The following CADM2 variants were observed in gnomAD, a reference collection of about 807,000 sequenced individuals.
CADM2 encodes immunoglobulin superfamily member 4D.
In CADM2, 12 loss-of-function variants were observed where a neutral mutation model predicts 49.8. The observed-to-expected ratio is 0.24, with a 90% CI of 0.15 to 0.39. CADM2 has a LOEUF of 0.39. Ranked by LOEUF, CADM2 falls within the 10% of genes least tolerant of loss-of-function variation. The pLI is 1.00. For synonymous variants in CADM2, 214 were observed against 175.4 expected (o/e 1.22, Z -1.74); for missense variants, 378 against 492.3 (o/e 0.77, Z 2.20).
intron 3 of CADM2, among the ~76,000 whole-genome samples, chr3:85,830,155 A>T (rs567405394): frequency 1.3e-5 from 2 of 151,990 alleles, no homozygotes; most frequent in East Asian, 3.9e-4. Flanking sequence ...CAAGTAATTA[A>T]TTTTCTTCAC....
chr3:85,886,351 C>T, intron 5 of CADM2, 24 bp downstream of exon 5: 4 of 1,559,528 alleles, frequency 2.6e-6, no homozygotes, highest in Non-Finnish European at 3.5e-6. Flanking sequence ...AAATGAAAAT[C>T]AAAATTAATG....
Position 85,292,783 on chromosome 3 carries a change from A to C in CADM2, c.61+333115A>C, listed in dbSNP as rs1164520732. 1.7e-4 allele frequency among the ~76,000 whole-genome samples: 26 copies of C among 152,274 alleles called. No homozygotes were observed. The South Asian group carries it at 2.9e-3, about 17-fold the overall frequency. The stretch of plus-strand genomic sequence containing the variant: ...CATACCAGAATCTCTGGGATGCATT[A>C]AAAGCAGTGTGTAGAGGGAAATTTA... On this transcript the variant is annotated intron_variant, in intron 1 of 9. Transcript: ENST00000383699.
intron 3 of CADM2, among the ~76,000 whole-genome samples, chr3:85,809,955 T>A (rs1174840365): frequency 1.3e-5 from 2 of 151,938 alleles, no homozygotes; most frequent in Admixed American, 1.3e-4. Flanking sequence ...AGTGCATGCA[T>A]ATTGAATCGT....
At chr3:86,031,511 T>C (rs1283999387) in intron 8 of CADM2, among the ~76,000 whole-genome samples, 1 of 151,850 alleles carries the variant, frequency 6.6e-6, no homozygotes, top group African/African-American at 2.4e-5. Flanking sequence ...TATATGAACA[T>C]ACTATACTGA....
chr3:85,376,087 C>G (rs189191498), intron 1 of CADM2, among the ~76,000 whole-genome samples: 1 of 151,898 alleles, frequency 6.6e-6, no homozygotes, highest in Non-Finnish European at 1.5e-5. Context: ...GATAATAAAA[C>G]TAATCATTGT....
At chr3:85,998,663 G>A (rs1057193813) in intron 8 of CADM2, among the ~76,000 whole-genome samples, 2 of 152,224 alleles carry the variant, frequency 1.3e-5, no homozygotes, top group African/African-American at 4.8e-5. Flanking sequence ...TATTCAGGAA[G>A]TGATGAGAAA....
At chr3:85,064,464 T>A (rs2036449996) in intron 1 of CADM2, among the ~76,000 whole-genome samples, 1 of 152,226 alleles carries the variant, frequency 6.6e-6, no homozygotes, top group African/African-American at 2.4e-5. Flanking sequence ...TGAGGATAAG[T>A]GGAATCTTGT....
chr3:85,350,421 T>C (rs1444804455), intron 1 of CADM2, among the ~76,000 whole-genome samples: 1 of 152,210 alleles, frequency 6.6e-6, no homozygotes, highest in Non-Finnish European at 1.5e-5. Context: ...TTTTGATTTA[T>C]TCCTAGTTTA....
chr3:85,956,755 CAT>C (rs1724107844), intron 7 of CADM2, among the ~76,000 whole-genome samples: 1 of 149,112 alleles, frequency 6.7e-6, no homozygotes, highest in African/African-American at 2.5e-5. Context: ...TTTAAAAAGA[CAT>C]ATCTGAATTT....
In CADM2 at chr3:85,890,693, T is replaced by G. The variant is rs535345157; in HGVS notation, c.529+4366T>G. Among the ~76,000 whole-genome samples the G allele has an allele frequency of 3.2e-3, 232 of 71,914 alleles. 1 individual carries two copies. In the African/African-American group the frequency reaches 0.041, roughly 13 times the overall value. The allele number at this position is 71,914 out of a possible 152,430, so 47.2% of individuals were successfully genotyped here. On this transcript the variant is annotated intron_variant, in intron 5 of 9. Coordinates refer to ENST00000383699, the MANE Select transcript of CADM2 (RefSeq NM_001167675.2). ...TCAGTTCATGAAAAAAAAGAAAGAC[T>G]TTTTTTTTTCTTTTTTTCATTACTG...
intron 3 of CADM2, among the ~76,000 whole-genome samples, chr3:85,862,307 AT>A (rs2075566767): frequency 6.6e-6 from 1 of 152,146 alleles, no homozygotes; most frequent in African/African-American, 2.4e-5. Flanking sequence ...AGAAAATATA[AT>A]TTTATAATAA....
chr3:85,425,821 C>T (rs36041727), intron 1 of CADM2, among the ~76,000 whole-genome samples: 8,231 of 152,176 alleles, frequency 0.054, 316 homozygotes, highest in Middle Eastern at 0.1. Context: ...CTGTGAAGGC[C>T]CTGAGCTCTG....
chr3:85,910,435 T>C (rs1005531506), intron 5 of CADM2, among the ~76,000 whole-genome samples: 6 of 152,046 alleles, frequency 3.9e-5, no homozygotes, highest in African/African-American at 1.4e-4. Flanking sequence ...AAGCAAAGAA[T>C]CATAAATGCA....
chr3:85,290,668 G>A (rs2043765564), intron 1 of CADM2, among the ~76,000 whole-genome samples: 1 of 152,192 alleles, frequency 6.6e-6, no homozygotes, highest in South Asian at 2.1e-4. Context: ...GGCACCCCCA[G>A]CAGGGGCAGA....
chr3:85,759,654 T>A (rs2069282055), intron 2 of CADM2, among the ~76,000 whole-genome samples: 1 of 152,134 alleles, frequency 6.6e-6, no homozygotes, highest in Non-Finnish European at 1.5e-5. Flanking sequence ...TTTCACTGAC[T>A]GTAACTTAGT....
chr3:85,719,255 T>C (rs2067413088), intron 1 of CADM2, among the ~76,000 whole-genome samples: 1 of 152,274 alleles, frequency 6.6e-6, no homozygotes, highest in African/African-American at 2.4e-5. Context: ...CAATTATCAA[T>C]GGGTAGCCAA....
chr3:85,683,617 A>C (rs185941615), intron 1 of CADM2, among the ~76,000 whole-genome samples: 29 of 152,318 alleles, frequency 1.9e-4, no homozygotes, highest in African/African-American at 6.7e-4. Context: ...CTGAATGTCA[A>C]GTTCTTTTTG....
At chr3:85,817,799 C>T (rs768307221) in intron 3 of CADM2, among the ~76,000 whole-genome samples, 8 of 151,746 alleles carry the variant, frequency 5.3e-5, no homozygotes, top group East Asian at 1.9e-4. Flanking sequence ...GGCGACAGAG[C>T]GAGACTTCCT....
At chr3:85,662,128 C>G (rs1372063318) in intron 1 of CADM2, among the ~76,000 whole-genome samples, 1 of 151,842 alleles carries the variant, frequency 6.6e-6, no homozygotes, top group African/African-American at 2.4e-5. Flanking sequence ...CTAACCATAT[C>G]ACATACAATG....
Sources: allele counts gnomAD v4.1 joint callset (sites outside exome capture counted in the v4.1 genomes callset), GRCh38; gene constraint gnomAD v4.1.1; transcripts MANE v1.5; gene names NCBI Gene and HGNC (gene_info 2026-07-23, HGNC 2026-07-21).